The following ADAP1 variants were observed in gnomAD, a reference collection of about 807,000 sequenced individuals.
ADAP1 encodes arf-GAP with dual PH domain-containing protein 1.
A neutral mutation model predicts 54.9 loss-of-function variants in ADAP1; 31 were observed. The ratio of observed to expected loss-of-function variants is 0.56; its 90% CI spans 0.42 to 0.76. The LOEUF is 0.76. ADAP1 is among the 30% of genes least tolerant of loss of function. The pLI, the probability that ADAP1 is intolerant of heterozygous loss-of-function variation, is 0.00. For missense variants in ADAP1, 535 were observed against 512.4 expected (o/e 1.04, Z -0.42); for synonymous variants, 313 against 202.6 (o/e 1.55, Z -4.63).
At chr7:901,154 C>A in intron 6 of ADAP1, 1 of 400,994 alleles carries the variant, frequency 2.5e-6, no homozygotes, top group South Asian at 1.8e-5. Flanking sequence ...CTCTGGAGAG[C>A]GTGGGGTGGG....
intron 1 of ADAP1, among the ~76,000 whole-genome samples, chr7:941,864 G>A (rs548628554): frequency 6.6e-5 from 10 of 152,280 alleles, no homozygotes; most frequent in East Asian, 1.9e-4. Flanking sequence ...AGACAAGGAC[G>A]GGGAACTAAC....
At chr7:943,241 A>T (rs867978872) in intron 1 of ADAP1, among the ~76,000 whole-genome samples, 40 of 20,164 alleles carry the variant, frequency 2.0e-3, no homozygotes, top group East Asian at 4.4e-3. Flanking sequence ...AGGAAGGGAG[A>T]GAGGAGGAGG....
At chr7:922,790 G>A (rs921563551) in intron 3 of ADAP1, among the ~76,000 whole-genome samples, 1 of 151,740 alleles carries the variant, frequency 6.6e-6, no homozygotes, top group Non-Finnish European at 1.5e-5. Flanking sequence ...AAATAGCCCG[G>A]GTGGTGTTCA....
At chr7:923,245 C>T (rs1226920299) in intron 3 of ADAP1, 3 of 152,034 alleles carry the variant, frequency 2.0e-5, no homozygotes, top group African/African-American at 7.2e-5. Context: ...CCCTGTCCAG[C>T]CCGGACACCT....
At chr7:955,225 G>T, upstream of ADAP1, 2 of 1,413,414 alleles carry the variant, frequency 1.4e-6, no homozygotes, top group Non-Finnish European at 2.0e-6. Context: ...ACTCAGGCAG[G>T]CTGAGGGGCC....
chr7:907,344 T>G (rs1297777949), intron 4 of ADAP1, among the ~76,000 whole-genome samples: 2 of 151,952 alleles, frequency 1.3e-5, no homozygotes, highest in Non-Finnish European at 2.9e-5. Context: ...GAAGGGGACG[T>G]GGCCGTGGAA....
At chr7:955,180 C>T, upstream of ADAP1, 2 of 930,308 alleles carry the variant, frequency 2.1e-6, no homozygotes, top group East Asian at 2.7e-5. Flanking sequence ...CAGCCGCCCA[C>T]CACCCACAGA....
intron 2 of ADAP1, among the ~76,000 whole-genome samples, chr7:929,423 G>C (rs1846494525): frequency 1.3e-5 from 2 of 151,402 alleles, no homozygotes; most frequent in Admixed American, 6.6e-5. Flanking sequence ...GCTCACACCT[G>C]TGATCCCAGC....
chr7:917,896 A>G (rs1382893316), intron 4 of ADAP1, among the ~76,000 whole-genome samples: 3 of 151,988 alleles, frequency 2.0e-5, no homozygotes, highest in Admixed American at 6.6e-5. Context: ...TCAGTCTCCC[A>G]AGTAGCTGGA....
chr7:954,144 C>T (rs1192581535), intron 1 of ADAP1, among the ~76,000 whole-genome samples: 2 of 149,894 alleles, frequency 1.3e-5, no homozygotes, highest in Admixed American at 6.6e-5. Context: ...GGGGAGGCGG[C>T]GGCAGGGGGG....
At chr7:919,764 AAGGGGGGAGAGGGAGGGAGATGGGGGAGG>A (rs1846099137) in intron 4 of ADAP1, among the ~76,000 whole-genome samples, 175 bp downstream of exon 4, 1 of 3,626 alleles carries the variant, frequency 2.8e-4, no homozygotes, top group African/African-American at 2.0e-3. Flanking sequence ...GATGGGGGGG[AAGGGGGGAGAGGGAGGGAGATGGGGGAGG>A]GAGGGAGATG....
intron 4 of ADAP1, among the ~76,000 whole-genome samples, chr7:911,889 C>T (rs942776367): frequency 3.9e-5 from 6 of 152,250 alleles, no homozygotes; most frequent in African/African-American, 1.2e-4. Context: ...CTGGCCAGGC[C>T]CCAAACACCC....
chr7:904,731 C>A lies in ADAP1; in HGVS notation c.501+329G>T, dbSNP rs942408182. On this transcript the variant is annotated intron_variant, in intron 5 of 10. Transcript: ENST00000265846. ...CAGTCCAGTCTCCCCAGGGTACCTC[C>A]AGGAAAACTAGGGGCTTTCTGGGGT... Among the ~76,000 whole-genome samples the A allele has an allele frequency of 2.0e-5, 3 of 152,370 alleles. No individual in the cohort carries two copies. In the South Asian group the frequency reaches 6.2e-4, roughly 32 times the overall value.
At chr7:902,671 G>A (rs1844881060) in intron 6 of ADAP1, among the ~76,000 whole-genome samples, 1 of 151,662 alleles carries the variant, frequency 6.6e-6, no homozygotes, top group Non-Finnish European at 1.5e-5. Flanking sequence ...AGGGAAAGTG[G>A]AGGGAGGAAA....
At chr7:931,788 AC>A (rs1307376810) in intron 2 of ADAP1, among the ~76,000 whole-genome samples, 6 of 148,778 alleles carry the variant, frequency 4.0e-5, no homozygotes, top group Non-Finnish European at 8.9e-5. Flanking sequence ...AAAAAAAAAA[AC>A]ATAAAATGTG....
intron 2 of ADAP1, among the ~76,000 whole-genome samples, chr7:931,786 A>C (rs1446099939): frequency 2.0e-5 from 3 of 151,814 alleles, no homozygotes; most frequent in East Asian, 1.9e-4. Context: ...AAAAAAAAAA[A>C]AACATAAAAT....
intron 4 of ADAP1, among the ~76,000 whole-genome samples, chr7:917,749 G>C (rs1297381294): frequency 6.6e-6 from 1 of 151,852 alleles, no homozygotes; most frequent in East Asian, 1.9e-4. Context: ...TTTATTCTTG[G>C]GGTGAGATTC....
Position 898,841 on chromosome 7 carries a change from A to T in ADAP1, c.*80T>A, listed in dbSNP as rs1041607379. 23 of 1,538,496 alleles carry T rather than the reference A, an allele frequency of 1.5e-5. No individual in the cohort carries two copies. In the Admixed American group the frequency reaches 4.5e-4, roughly 30 times the overall value. On this transcript the variant is annotated 3_prime_UTR_variant, in exon 11 of 11. Transcript: ENST00000265846. ...GCAGGTGGGGCCAGGTGGCCTCAGGACGCCAGAGCCCCCCCATCCACGGGT... is the reference window on the plus strand; with the variant it reads ...GCAGGTGGGGCCAGGTGGCCTCAGGTCGCCAGAGCCCCCCCATCCACGGGT...
intron 4 of ADAP1, among the ~76,000 whole-genome samples, chr7:906,944 G>T (rs1422532649): frequency 6.6e-6 from 1 of 152,074 alleles, no homozygotes; most frequent in Non-Finnish European, 1.5e-5. Flanking sequence ...TCCTTTACTG[G>T]CCCCCAGGGA....
Sources: allele counts gnomAD v4.1 joint callset (sites outside exome capture counted in the v4.1 genomes callset), GRCh38; gene constraint gnomAD v4.1.1; transcripts MANE v1.5; gene names NCBI Gene and HGNC (gene_info 2026-07-23, HGNC 2026-07-21).